Variants in ARHGAP4 observed in about 807,000 individuals in gnomAD.
ARHGAP4 encodes the protein rho GTPase-activating protein 4.
In ARHGAP4, 25 loss-of-function variants were observed where a neutral mutation model predicts 67.6. That is an observed-to-expected ratio of 0.37 (90% CI 0.27 to 0.52). The LOEUF (loss-of-function observed/expected upper bound fraction) is 0.52, where lower values mean the gene tolerates loss of function less well. Ranked by LOEUF, ARHGAP4 falls within the 20% of genes least tolerant of loss-of-function variation. ARHGAP4 has a pLI of 0.92. For synonymous variants in ARHGAP4, 448 were observed against 373.7 expected (o/e 1.20, Z -2.29); for missense variants, 804 against 854.6 (o/e 0.94, Z 0.74).
At chrX:153,925,792 T>C (rs1014833587) in intron 1 of ARHGAP4, among the ~76,000 whole-genome samples, 1 of 112,862 alleles carries the variant, frequency 8.9e-6, no homozygotes, top group Admixed American at 9.3e-5. Flanking sequence ...TTGACTTCAC[T>C]GTAGCTAAAA....
chrX:153,914,567 T>G (rs1215623122), intron 7 of ARHGAP4, among the ~76,000 whole-genome samples: 1 of 111,826 alleles, frequency 8.9e-6, no homozygotes, highest in Non-Finnish European at 1.9e-5. Context: ...CACGGTGGCA[T>G]GCGCCTGTAG....
chrX:153,914,658 T>C (rs782426300), intron 7 of ARHGAP4, among the ~76,000 whole-genome samples: 102 of 111,824 alleles, frequency 9.1e-4, no homozygotes, highest in African/African-American at 3.0e-3. Context: ...GATGGAGCCA[T>C]TGCACTCCAG....
rs782668856 is a variant in ARHGAP4 at position 153,909,729 on chromosome X, C to A, written c.2414+12G>T. Reference sequence around the variant, plus strand: ...CCGGGAGCCCTGGGGCCTGAGGGCGCGGCTCACTCACCCGGCGGGCAGCGT... The same window carrying A: ...CCGGGAGCCCTGGGGCCTGAGGGCGAGGCTCACTCACCCGGCGGGCAGCGT... On this transcript the variant is annotated intron_variant, in intron 19 of 21. Coordinates refer to ENST00000350060, the MANE Select transcript of ARHGAP4 (RefSeq NM_001666.5). 1.7e-6 allele frequency: 2 copies of A among 1,179,268 alleles called. No homozygotes were observed. The highest frequency in any genetic ancestry group is 4.7e-5 in the Admixed American group (2 of 42,675).
intron 19 of ARHGAP4, 30 bp downstream of exon 19, chrX:153,909,711 C>T (rs1557102296): frequency 2.6e-6 from 3 of 1,164,337 alleles, no homozygotes; most frequent in Admixed American, 2.5e-5. Context: ...ACTCCGGGAG[C>T]CCTGGGGCCT....
intron 3 of ARHGAP4, 72 bp from the exon 4 acceptor site, chrX:153,921,231 G>A (rs2065091545): frequency 4.2e-6 from 5 of 1,177,062 alleles, no homozygotes; most frequent in Non-Finnish European, 5.7e-6. Flanking sequence ...GCTCTGCCCA[G>A]ATCAAGCCCC....
chrX:153,914,429 CT>C (rs1193352787), intron 7 of ARHGAP4, among the ~76,000 whole-genome samples: 2 of 112,800 alleles, frequency 1.8e-5, no homozygotes, highest in African/African-American at 6.4e-5. Flanking sequence ...GGCGCAGTGG[CT>C]CACGCCTCTA....
intron 12 of ARHGAP4, 138 bp from the exon 13 acceptor site, chrX:153,911,327 G>A (rs2065019870): frequency 7.3e-6 from 4 of 550,845 alleles, no homozygotes; most frequent in South Asian, 3.4e-5. Context: ...GCGTGATCTC[G>A]GCTCACTGTA....
Position 153,920,798 on chromosome X carries a change from G to A in ARHGAP4, c.509C>T (p.Thr170Met). The A allele has an allele frequency of 8.2e-7, 1 of 1,212,138 alleles. No homozygotes were observed. Among genetic ancestry groups the A allele is most frequent in the Non-Finnish European group, 1.1e-6 (1 of 895,575 alleles). Residue 170 changes from threonine to methionine, a missense_variant, in exon 5 of 22, where the codon ACG (threonine) becomes ATG (methionine). Transcript: ENST00000350060. ...GCTCTCCATGTGATATGCCTGGTAC[G>A]TCTTCTTGGCCTGCAGGGAGACCCA... ...VVSELQTAKK[T>M]YQAYHMESVN...
At chrX:153,918,526 C>T (rs781836340) in intron 7 of ARHGAP4, among the ~76,000 whole-genome samples, 3 of 113,036 alleles carry the variant, frequency 2.7e-5, no homozygotes, top group Admixed American at 1.9e-4. Context: ...CCCATTCCAT[C>T]TTACTGCCAA....
At chrX:153,922,525 C>T (rs1267904276) in intron 1 of ARHGAP4, 66 of 593,442 alleles carry the variant, frequency 1.1e-4, no homozygotes, top group Non-Finnish European at 1.2e-4. Context: ...CCCATACTGC[C>T]GGCCTTTTGA....
At chrX:153,908,365 C>T (rs1399279361) in intron 21 of ARHGAP4, among the ~76,000 whole-genome samples, 1 of 112,001 alleles carries the variant, frequency 8.9e-6, no homozygotes, top group Non-Finnish European at 1.9e-5. Context: ...TCTACCGGAC[C>T]CTCCCTGGGC....
intron 20 of ARHGAP4, 114 bp from the exon 21 acceptor site, chrX:153,909,283 C>A: frequency 1.1e-6 from 1 of 884,706 alleles, no homozygotes; most frequent in East Asian, 3.4e-5. Flanking sequence ...CCCAGTGGTC[C>A]CCAAGCTCCT....
intron 1 of ARHGAP4, chrX:153,922,060 T>G: frequency 1.0e-6 from 1 of 988,893 alleles, no homozygotes; most frequent in Non-Finnish European, 1.3e-6. Flanking sequence ...AGCCACCCGG[T>G]TGAGGGGGAA....
At position 153,921,686 on chromosome X, in the gene ARHGAP4, G is replaced by A; in HGVS notation, c.191C>T (p.Ser64Phe). 8.3e-7 allele frequency: 1 copy of A among 1,208,999 alleles called. No individual in the cohort carries two copies. Among genetic ancestry groups the A allele is most frequent in the Non-Finnish European group, 1.1e-6 (1 of 894,511 alleles). The change falls in exon 2 of 22, where the codon TCC becomes TTC. Residue 64 changes from serine (S) to phenylalanine (F), a missense_variant. Physicochemically the swap from Ser to Phe is radical, Grantham distance 155 (BLOSUM62 -2). Around this residue, in one of 2 missense-constraint regions of ARHGAP4, gnomAD observed 404 missense variants for 505.9 expected, o/e 0.80. Coordinates refer to ENST00000350060, the MANE Select transcript of ARHGAP4 (RefSeq NM_001666.5). Reference sequence around the variant, plus strand: ...CTCGGCCAGCTTTTCCAGGCCCCGGGAGTATTCCAGCTCCACCTCAGCGCG... The same window carrying A: ...CTCGGCCAGCTTTTCCAGGCCCCGGAAGTATTCCAGCTCCACCTCAGCGCG... ...RRRAEVELEY[S>F]RGLEKLAERF...
In ARHGAP4 at chrX:153,921,530, G is replaced by A. The variant is rs1557105323; in HGVS notation, c.273-3C>T. 3 of 1,193,219 alleles carry A rather than the reference G, an allele frequency of 2.5e-6. No individual in the cohort carries two copies. The highest frequency in any genetic ancestry group is 3.4e-6 in the Non-Finnish European group (3 of 885,420). ...GCGACAGGAGGGACGGCTCCTTCCT[G>A]GGGGTAGAGGGGCACTGAGACCTGG... On this transcript the variant is annotated splice_region_variant and splice_polypyrimidine_tract_variant and intron_variant, in intron 2 of 21. Coordinates refer to ENST00000350060, the MANE Select transcript of ARHGAP4 (RefSeq NM_001666.5).
chrX:153,912,737 T>C lies in ARHGAP4; in HGVS notation c.1505A>G (p.Gln502Arg), dbSNP rs368307774. Residue 502 changes from glutamine to arginine, a missense_variant, in exon 12 of 22, where the codon CAG becomes CGG. Around this residue, in one of 2 missense-constraint regions of ARHGAP4, gnomAD observed 404 missense variants for 505.9 expected, o/e 0.80. Coordinates refer to ENST00000350060, the MANE Select transcript of ARHGAP4 (RefSeq NM_001666.5). ...CTCCATGTCTCCCCCAAAGAGTCTCTGGTTATACTGGGAGCTGGGGCGGGG... is the reference window on the plus strand; with the variant it reads ...CTCCATGTCTCCCCCAAAGAGTCTCCGGTTATACTGGGAGCTGGGGCGGGG... The part of the protein sequence containing the change: ...RQPRPSSQYN[Q>R]RLFGGDMEKF... The C allele has an allele frequency of 5.0e-6, 6 of 1,209,903 alleles. No individual in the cohort carries two copies. The highest frequency in any genetic ancestry group is 1.7e-5 in the African/African-American group (1 of 57,332).
rs782131699 is a variant in ARHGAP4, at chrX:153,911,208, T to C, written c.1543-19A>G. ...CTGAGCTCTGGGGACAGAGGGTGTT[T>C]ACTTCACCATGGACACAGCATGCCC... On this transcript the variant is annotated intron_variant, in intron 12 of 21. Transcript: ENST00000350060. 1 of 1,138,577 alleles carries C rather than the reference T, an allele frequency of 8.8e-7. No individual in the cohort carries two copies. The highest frequency in any genetic ancestry group is 1.2e-6 in the Non-Finnish European group (1 of 853,470). 93.8% of individuals were successfully genotyped at this position (1,138,577 alleles called of 1,213,427 possible). A position where few individuals can be genotyped will look rare whatever the true frequency, so the allele number is the denominator to read the frequency against.
chrX:153,907,832 C>G lies in ARHGAP4; in HGVS notation c.2738G>C (p.Ser913Thr). The change falls in exon 22 of 22, where the codon AGC (serine) becomes ACC (threonine). Residue 913 changes from serine to threonine, a missense_variant. Ser to Thr is a moderately conservative substitution (Grantham distance 58). Coordinates refer to ENST00000350060, the MANE Select transcript of ARHGAP4 (RefSeq NM_001666.5). The part of the protein sequence containing the change: ...GPRSPKAPPS[S>T]RLGRNKGFSR... ...GAAGCCTTTGTTCCTGCCCAGGCGG[C>G]TGCTGGGCGGGGCCTTTGGGCTTCG... The G allele has an allele frequency of 2.0e-6, 2 of 1,012,586 alleles. No homozygotes were observed. Among genetic ancestry groups the G allele is most frequent in the African/African-American group, 2.0e-5 (1 of 51,254 alleles). 83.4% of individuals were successfully genotyped at this position (1,012,586 alleles called of 1,213,427 possible).
At position 153,911,118 on chromosome X, in the gene ARHGAP4, G is replaced by T. The variant is rs931878792; in HGVS notation, c.1603+11C>A. ...GTGCCAGGACATCGGGAGGGGCTGG[G>T]TCCTGCTTACCATTGAGGTTGATGA... On this transcript the variant is annotated intron_variant, in intron 13 of 21. Transcript: ENST00000350060. The T allele has an allele frequency of 8.6e-7, 1 of 1,169,239 alleles. No homozygotes were observed. The highest frequency in any genetic ancestry group is 3.2e-5 in the East Asian group (1 of 31,013).
Sources: allele counts gnomAD v4.1 joint callset (sites outside exome capture counted in the v4.1 genomes callset), GRCh38; gene constraint gnomAD v4.1.1; regional missense constraint gnomAD v4.1.1; transcripts MANE v1.5; gene names NCBI Gene and HGNC (gene_info 2026-07-23, HGNC 2026-07-21).